Variants in CHST9 observed in about 807,000 individuals in gnomAD.
CHST9 encodes the protein carbohydrate sulfotransferase 9.
In CHST9, 41 loss-of-function variants were observed where a neutral mutation model predicts 44.4. The ratio of observed to expected loss-of-function variants is 0.92; its 90% CI spans 0.72 to 1.20. CHST9 has a LOEUF of 1.20. Ranked by LOEUF, CHST9 falls within the 50% of genes most tolerant of loss-of-function variation. CHST9 has a pLI of 0.00. For synonymous variants in CHST9, 171 were observed against 178.4 expected, an observed-to-expected ratio of 0.96 and a Z score of 0.33; for missense variants, 504 against 516.5, an observed-to-expected ratio of 0.98 and a Z score of 0.23.
chr18:27,130,016 G>C (rs1198784349), intron 2 of CHST9, among the ~76,000 whole-genome samples: 1 of 152,068 alleles, frequency 6.6e-6, no homozygotes, highest in East Asian at 1.9e-4. Context: ...GTGGAGGAGG[G>C]GAAGGGAAAA....
chr18:27,059,846 C>A (rs191167503), intron 2 of CHST9, among the ~76,000 whole-genome samples: 1 of 152,184 alleles, frequency 6.6e-6, no homozygotes, highest in African/African-American at 2.4e-5. Context: ...CATTGACCCA[C>A]GTCAAAGGTT....
At chr18:27,154,324 T>C (rs1598762784) in intron 1 of CHST9, among the ~76,000 whole-genome samples, 1 of 152,234 alleles carries the variant, frequency 6.6e-6, no homozygotes, top group South Asian at 2.1e-4. Flanking sequence ...AGACAAGAAA[T>C]ATCATTTAAG....
intron 4 of CHST9, among the ~76,000 whole-genome samples, chr18:26,982,068 G>A (rs1021809260): frequency 6.6e-6 from 1 of 152,112 alleles, no homozygotes; most frequent in African/African-American, 2.4e-5. Flanking sequence ...ATGGCTTACA[G>A]CTGCCTTTAA....
intron 2 of CHST9, among the ~76,000 whole-genome samples, chr18:27,087,850 C>G (rs1442765071): frequency 6.6e-6 from 1 of 152,182 alleles, no homozygotes; most frequent in African/African-American, 2.4e-5. Flanking sequence ...GAGAGCTTCT[C>G]CCGTACACTT....
chr18:26,914,371 A>T lies in CHST9; in HGVS notation c.*1888T>A, dbSNP rs2055482829. The T allele has an allele frequency of 6.6e-6, 1 of 152,224 alleles. No individual in the cohort carries two copies. The highest frequency in any genetic ancestry group is 1.5e-5 in the Non-Finnish European group (1 of 68,032). The allele number at this position is 152,224 out of a possible 1,614,324, so 9.4% of individuals were successfully genotyped here. On this transcript the variant is annotated 3_prime_UTR_variant, in exon 6 of 6. Transcript: ENST00000618847. ...AAAGCAAGTTTTGTGTTTCTTAGGAATAAAATTTCAGGCTTCTGGAATATT... is the reference window on the plus strand; with the variant it reads ...AAAGCAAGTTTTGTGTTTCTTAGGATTAAAATTTCAGGCTTCTGGAATATT...
intron 2 of CHST9, among the ~76,000 whole-genome samples, chr18:27,108,401 T>G (rs748946803): frequency 2.6e-5 from 4 of 152,230 alleles, no homozygotes; most frequent in Non-Finnish European, 5.9e-5. Flanking sequence ...ATTTTTCTAG[T>G]GTGGGCAAGT....
chr18:27,042,417 A>G (rs2057455570), intron 3 of CHST9, among the ~76,000 whole-genome samples: 1 of 151,904 alleles, frequency 6.6e-6, no homozygotes, highest in Non-Finnish European at 1.5e-5. Context: ...ATGTGTAAAT[A>G]CTCCCACCAT....
At chr18:27,086,554 G>A (rs1036005528) in intron 2 of CHST9, among the ~76,000 whole-genome samples, 6 of 152,168 alleles carry the variant, frequency 3.9e-5, no homozygotes, top group Non-Finnish European at 7.4e-5. Context: ...GGAAACTGAA[G>A]AGTGAAATAA....
intron 5 of CHST9, chr18:26,930,760 G>C (rs1344539057): frequency 6.5e-6 from 1 of 153,774 alleles, no homozygotes; most frequent in Non-Finnish European, 1.5e-5. Context: ...AGCTGGTGTA[G>C]AATGAGTTCC....
chr18:26,998,816 T>C (rs2056917050), intron 4 of CHST9, among the ~76,000 whole-genome samples: 1 of 151,920 alleles, frequency 6.6e-6, no homozygotes, highest in African/African-American at 2.4e-5. Flanking sequence ...TTTTCATTCA[T>C]ACCAAATGGG....
intron 4 of CHST9, among the ~76,000 whole-genome samples, chr18:26,946,078 A>C (rs1052163838): frequency 6.6e-6 from 1 of 152,164 alleles, no homozygotes; most frequent in South Asian, 2.1e-4. Flanking sequence ...CTCGCCAGAT[A>C]ATAAGAATCA....
intron 2 of CHST9, among the ~76,000 whole-genome samples, chr18:27,139,076 AAT>A (rs1353776083): frequency 1.3e-5 from 2 of 152,178 alleles, no homozygotes; most frequent in Non-Finnish European, 2.9e-5. Flanking sequence ...CTGTTTTCAT[AAT>A]CCTTTACCAG....
In CHST9 at chr18:26,917,187, T is replaced by C. The variant is rs2055549406; in HGVS notation, c.404A>G (p.Lys135Arg). ...TGSPTEKLIEKRQGAKTVFNK... is the reference protein window; with the variant it reads ...TGSPTEKLIERRQGAKTVFNK... ...AAAAACAGTCTTAGCTCCTTGACGT[T>C]TTTCAATCAACTTCTCTGTTGGTGA... is the stretch of plus-strand genomic sequence containing the variant. The change falls in exon 6 of 6, where the codon AAA (lysine) becomes AGA (arginine). Residue 135 changes from lysine to arginine, a missense_variant. Transcript: ENST00000618847. 1 of 1,613,798 alleles carries C rather than the reference T, an allele frequency of 6.2e-7. No individual in the cohort carries two copies.
chr18:27,130,854 T>C (rs1258348793), intron 2 of CHST9, among the ~76,000 whole-genome samples: 2 of 152,162 alleles, frequency 1.3e-5, no homozygotes, highest in African/African-American at 4.8e-5. Context: ...CCAAAGGGTA[T>C]ATACAGATAG....
intron 4 of CHST9, among the ~76,000 whole-genome samples, chr18:27,011,941 T>G (rs12966301): frequency 0.12 from 17,508 of 152,182 alleles, 1,221 homozygotes; most frequent in East Asian, 0.26. Context: ...CAAGACCACC[T>G]TTGCCTTTGC....
In CHST9 at chr18:27,178,134, C is replaced by A. The variant is rs529135920; in HGVS notation, c.-97+7002G>T. ...GCTTCCAGTAAGAATGAACAATACA[C>A]AGAAAACAATCACAGATCAAATTGT... On this transcript the variant is annotated intron_variant, in intron 1 of 5. Coordinates refer to ENST00000618847, the MANE Select transcript of CHST9 (RefSeq NM_031422.6). Among the ~76,000 whole-genome samples the A allele has an allele frequency of 3.3e-5, 5 of 152,084 alleles. No individual in the cohort carries two copies. The East Asian group carries it at 9.7e-4, about 29-fold the overall frequency.
chr18:27,138,031 C>A (rs1043073774), intron 2 of CHST9, among the ~76,000 whole-genome samples: 2 of 152,132 alleles, frequency 1.3e-5, no homozygotes, highest in Non-Finnish European at 2.9e-5. Flanking sequence ...CTCCTTCTAG[C>A]ACTTCTATCT....
chr18:27,068,205 A>C (rs996061051), intron 2 of CHST9, among the ~76,000 whole-genome samples: 1 of 152,208 alleles, frequency 6.6e-6, no homozygotes, highest in Non-Finnish European at 1.5e-5. Context: ...CTTCCCATTT[A>C]TTAAATTTTA....
At chr18:26,987,123 C>T (rs551975878) in intron 4 of CHST9, among the ~76,000 whole-genome samples, 1 of 152,210 alleles carries the variant, frequency 6.6e-6, no homozygotes, top group African/African-American at 2.4e-5. Context: ...GTCATGGGGG[C>T]CGATCCTTCA....
Sources: allele counts gnomAD v4.1 joint callset (sites outside exome capture counted in the v4.1 genomes callset), GRCh38; gene constraint gnomAD v4.1.1; transcripts MANE v1.5; gene names NCBI Gene and HGNC (gene_info 2026-07-23, HGNC 2026-07-21).